COL4A4: variants seen among roughly 807,000 people sequenced by gnomAD.
The protein encoded by COL4A4 is collagen alpha-4(IV) chain.
Under a neutral mutation model 192.9 loss-of-function variants are expected in COL4A4, and 105 were observed. The ratio of observed to expected loss-of-function variants is 0.54; its 90% CI spans 0.46 to 0.64. The LOEUF is 0.64. Among genes scored for constraint, COL4A4 ranks in the 30% least tolerant of loss-of-function variants. COL4A4 has a pLI of 0.00. For missense variants in COL4A4, 1,967 were observed against 2,169.3 expected (o/e 0.91, Z 1.85); for synonymous variants, 762 against 769.9 (o/e 0.99, Z 0.17).
intron 30 of COL4A4, 142 bp downstream of exon 30, chr2:227,055,803 G>A (rs143532392): frequency 2.3e-5 from 17 of 742,902 alleles, no homozygotes; most frequent in African/African-American, 1.8e-4. Flanking sequence ...CAGAGGACAA[G>A]AGCAAGGGAG....
chr2:227,076,384 T>C lies in COL4A4; in HGVS notation c.1987+1510A>G, dbSNP rs114087292. ...TGACAAACCTGATAAAAACAAGCTA[T>C]GGGGAAAGGAGTCCCTATTTAATTA... On this transcript the variant is annotated intron_variant, in intron 25 of 47. Coordinates refer to ENST00000396625, the MANE Select transcript of COL4A4 (RefSeq NM_000092.5). 5.2e-3 allele frequency among the ~76,000 whole-genome samples: 792 copies of C among 152,320 alleles called. 4 individuals are homozygous for C. The highest frequency in any genetic ancestry group is 0.02 in the Middle Eastern group (6 of 294).
chr2:227,080,394 G>T, intron 24 of COL4A4, 49 bp downstream of exon 24: 1 of 1,461,508 alleles, frequency 6.8e-7, no homozygotes, highest in South Asian at 1.1e-5. Context: ...TTGTTTGTAT[G>T]ACCATATAAG....
the COL4A4 span, among the ~76,000 whole-genome samples, chr2:226,981,144 A>G: frequency 6.6e-6 from 1 of 151,976 alleles, no homozygotes; most frequent in Non-Finnish European, 1.5e-5. Context: ...GCATGTTCTC[A>G]CTCATAGGTG....
intron 37 of COL4A4, among the ~76,000 whole-genome samples, chr2:227,038,493 G>C (rs1213925868): frequency 1.3e-5 from 2 of 152,198 alleles, no homozygotes; most frequent in Non-Finnish European, 2.9e-5. Context: ...TTTGAAATCA[G>C]GTAGCCTGAT....
chr2:226,999,078 A>G (rs1345373770), downstream of COL4A4: 2 of 152,236 alleles, frequency 1.3e-5, no homozygotes, highest in Non-Finnish European at 2.9e-5. Flanking sequence ...CAATGAGAGA[A>G]TGTCTTTGTC....
chr2:227,052,963 A>T lies in COL4A4; in HGVS notation c.2861-551T>A, dbSNP rs567082981. ...GGCGTGGGCTCCTACCAGCTTGACG[A>T]GTGCCAGTTACCACAATTCAAGAAC... On this transcript the variant is annotated intron_variant, in intron 31 of 47. Coordinates refer to ENST00000396625, the MANE Select transcript of COL4A4 (RefSeq NM_000092.5). Among the ~76,000 whole-genome samples, 311 of 152,262 alleles carry T rather than the reference A, an allele frequency of 2.0e-3. 1 individual carries two copies. The highest frequency in any genetic ancestry group is 3.2e-3 in the Non-Finnish European group (218 of 68,026).
At chr2:227,112,246 T>C (rs1242317892) in intron 8 of COL4A4, among the ~76,000 whole-genome samples, 3 of 152,048 alleles carry the variant, frequency 2.0e-5, no homozygotes, top group African/African-American at 7.3e-5. Context: ...GTAAAATATA[T>C]GTAAGTTAAA....
intron 47 of COL4A4, among the ~76,000 whole-genome samples, 169 bp downstream of exon 47, chr2:227,007,848 TA>T (rs1263064713): frequency 4.6e-5 from 7 of 152,176 alleles, no homozygotes; most frequent in Non-Finnish European, 1.0e-4. Context: ...CAAGTGTTTT[TA>T]AAAGATAATG....
At chr2:227,136,969 A>G (rs560513092) in intron 4 of COL4A4, among the ~76,000 whole-genome samples, 84 of 148,360 alleles carry the variant, frequency 5.7e-4, no homozygotes, top group African/African-American at 2.1e-3. Context: ...TACTTTCCCA[A>G]ACCACCTTCT....
the COL4A4 span, among the ~76,000 whole-genome samples, chr2:226,990,493 C>A: frequency 6.6e-6 from 1 of 152,286 alleles, no homozygotes; most frequent in African/African-American, 2.4e-5. Context: ...TGGCATAGTG[C>A]GTTCATCAGA....
At chr2:227,081,456 C>T (rs1050210848) in intron 23 of COL4A4, among the ~76,000 whole-genome samples, 11 of 152,164 alleles carry the variant, frequency 7.2e-5, no homozygotes, top group African/African-American at 2.7e-4. Flanking sequence ...GGCTCTTGTG[C>T]CTTCAGCCAC....
chr2:227,028,014 A>C lies in COL4A4; in HGVS notation c.3974-5T>G. ...GTCCCGGGAATCCCACTGGTCCTTA[A>C]AAAAAAACAAAACATAAAAATGAGG... On this transcript the variant is annotated splice_polypyrimidine_tract_variant and splice_region_variant and intron_variant, in intron 41 of 47. Transcript: ENST00000396625. 1 of 1,576,132 alleles carries C rather than the reference A, an allele frequency of 6.3e-7. No individual in the cohort carries two copies. The highest frequency in any genetic ancestry group is 1.1e-5 in the South Asian group (1 of 88,780).
chr2:227,115,745 A>G (rs2061459715), intron 7 of COL4A4, among the ~76,000 whole-genome samples: 1 of 152,224 alleles, frequency 6.6e-6, no homozygotes, highest in Admixed American at 6.5e-5. Context: ...AATTGCATCA[A>G]CAATTTACTT....
the COL4A4 span, among the ~76,000 whole-genome samples, chr2:226,978,403 A>G: frequency 6.6e-6 from 1 of 152,166 alleles, no homozygotes; most frequent in African/African-American, 2.4e-5. Flanking sequence ...CTGGTGTCCA[A>G]AGCAAACTGG....
At chr2:226,976,862 C>T in the COL4A4 span, among the ~76,000 whole-genome samples, 2 of 152,170 alleles carry the variant, frequency 1.3e-5, no homozygotes, top group African/African-American at 4.8e-5. Flanking sequence ...TTTTTCCCCA[C>T]TTGGTGGCAT....
intron 46 of COL4A4, 111 bp from the exon 47 acceptor site, chr2:227,008,415 C>A: frequency 1.6e-6 from 2 of 1,251,692 alleles, no homozygotes; most frequent in Non-Finnish European, 2.3e-6. Context: ...AATCTGGAGG[C>A]CCTCGCCAAA....
intron 25 of COL4A4, among the ~76,000 whole-genome samples, chr2:227,068,621 T>G (rs1267348281): frequency 1.3e-5 from 2 of 152,120 alleles, no homozygotes; most frequent in Non-Finnish European, 2.9e-5. Context: ...AAAAACCACA[T>G]GATTATCTCA....
chr2:227,032,857 TTGTC>T (rs1186653528), intron 38 of COL4A4, among the ~76,000 whole-genome samples: 1 of 152,236 alleles, frequency 6.6e-6, no homozygotes, highest in Non-Finnish European at 1.5e-5. Context: ...TTCAGCTACT[TTGTC>T]TGATCATAAG....
the COL4A4 span, among the ~76,000 whole-genome samples, chr2:226,977,101 G>T: frequency 6.6e-6 from 1 of 152,134 alleles, no homozygotes; most frequent in African/African-American, 2.4e-5. Flanking sequence ...CATGGAAAAA[G>T]GGATCTTTTT....
Sources: allele counts gnomAD v4.1 joint callset (sites outside exome capture counted in the v4.1 genomes callset), GRCh38; gene constraint gnomAD v4.1.1; transcripts MANE v1.5; gene names NCBI Gene and HGNC (gene_info 2026-07-23, HGNC 2026-07-21).